Variants in ASIC1 observed in about 807,000 individuals in gnomAD.
ASIC1 encodes acid-sensing ion channel 1.
Under a neutral mutation model 63.4 loss-of-function variants are expected in ASIC1, and 21 were observed. The observed-to-expected ratio is 0.33, with a 90% CI of 0.23 to 0.48. The LOEUF is 0.48. Among genes scored for constraint, ASIC1 ranks in the 20% least tolerant of loss-of-function variants. The pLI is 0.99. For missense variants in ASIC1, 478 were observed against 695.5 expected (o/e 0.69, Z 3.52); for synonymous variants, 258 against 278.2 (o/e 0.93, Z 0.72).
At position 50,078,501 on chromosome 12, in the gene ASIC1, C is replaced by T. The variant is rs1211136697; in HGVS notation, c.918C>T (p.Ser306=). ...DSDLDFFDSY[S]ITACRIDCET... is the part of the protein sequence containing the mutation. ...ATTTGGATTTCTTCGACTCCTACAG[C>T]ATCACTGCCTGCCGCATCGACTGTG... Residue 306 remains serine (S), a synonymous_variant, in exon 6 of 12, where the codon AGC becomes AGT. Coordinates refer to ENST00000447966, the MANE Select transcript of ASIC1 (RefSeq NM_001095.4). This position sits in a 1 kb window ranked among gnomAD's most constrained non-coding sequence, Gnocchi z 6.0. 6.2e-7 allele frequency: 1 copy of T among 1,614,118 alleles called. No individual in the cohort carries two copies. The highest frequency in any genetic ancestry group is 8.5e-7 in the Non-Finnish European group (1 of 1,179,996).
chr12:50,062,179 T>G (rs1950506787), intron 3 of ASIC1, among the ~76,000 whole-genome samples: 1 of 152,232 alleles, frequency 6.6e-6, no homozygotes, highest in Admixed American at 6.5e-5. Flanking sequence ...AGTCCATGTC[T>G]GACACCTCCC....
intron 3 of ASIC1, among the ~76,000 whole-genome samples, chr12:50,067,998 C>T (rs1477401841): frequency 6.6e-6 from 1 of 152,166 alleles, no homozygotes. Flanking sequence ...CCAGAAAGTT[C>T]CTTCAGGCTG....
chr12:50,079,840 T>C, intron 7 of ASIC1, 62 bp from the exon 8 acceptor site: 3 of 1,533,980 alleles, frequency 2.0e-6, no homozygotes, highest in Non-Finnish European at 2.6e-6. Flanking sequence ...AGGATGTGCA[T>C]GTGGGAAGGT....
rs1208153544 is a variant in ASIC1, at chr12:50,077,137, G to T, written c.559-76G>T. The T allele has an allele frequency of 8.1e-6, 13 of 1,606,608 alleles. No individual in the cohort carries two copies. The East Asian group carries it at 2.5e-4, about 30-fold the overall frequency. The stretch of plus-strand genomic sequence containing the variant: ...AAAGGGTGTTGAGATTCCAACAGCT[G>T]GGGTGGCTAGGAACAGCCCTTGGTG... On this transcript the variant is annotated intron_variant, in intron 3 of 11. Transcript: ENST00000447966.
chr12:50,062,619 C>G (rs504013), intron 3 of ASIC1, among the ~76,000 whole-genome samples: 1 of 152,060 alleles, frequency 6.6e-6, no homozygotes, highest in Admixed American at 6.5e-5. Flanking sequence ...CAAAGTATAG[C>G]GTGCGGGGGC....
rs116947982 is a variant in ASIC1, at chr12:50,072,129, G to C, written c.559-5084G>C. Among the ~76,000 whole-genome samples the C allele has an allele frequency of 5.0e-3, 766 of 152,230 alleles. 5 individuals carry two copies. Among genetic ancestry groups the C allele is most frequent in the Non-Finnish European group, 8.5e-3 (578 of 67,990 alleles). ...TGCCTCACATCCCCAACACACTCTA[G>C]GGTCTCTGCAAATGGAGAAGGGAAG... On this transcript the variant is annotated intron_variant, in intron 3 of 11. Transcript: ENST00000447966.
intron 11 of ASIC1, 79 bp from the exon 12 acceptor site, chr12:50,081,466 C>T: frequency 6.8e-7 from 1 of 1,473,244 alleles, no homozygotes; most frequent in South Asian, 1.2e-5. Context: ...ACCTTCTCTC[C>T]TTTGCCTCCC....
In ASIC1 at chr12:50,079,934, G is replaced by A. The variant is rs199923697; in HGVS notation, c.1084G>A (p.Val362Met). The change falls in exon 8 of 12, where the codon GTG (valine) becomes ATG (methionine). Residue 362 changes from valine (V) to methionine (M), a missense_variant. Val to Met is a conservative substitution (Grantham distance 21). Coordinates refer to ENST00000447966, the MANE Select transcript of ASIC1 (RefSeq NM_001095.4). ...GGTGGAGAAGGACCAGGAGTACTGC[G>A]TGTGTGAAATGCCTTGCAACCTGAC... ...FLVEKDQEYCVCEMPCNLTRY... is the reference protein window; with the variant it reads ...FLVEKDQEYCMCEMPCNLTRY... 75 of 1,613,370 alleles carry A rather than the reference G, an allele frequency of 4.6e-5. No homozygotes were observed. The East Asian group carries it at 1.0e-3, about 23-fold the overall frequency.
At position 50,081,278 on chromosome 12, in the gene ASIC1, T is replaced by G; in HGVS notation, c.1396T>G (p.Cys466Gly). The G allele has an allele frequency of 6.2e-7, 1 of 1,609,734 alleles. No individual in the cohort carries two copies. The highest frequency in any genetic ancestry group is 8.5e-7 in the Non-Finnish European group (1 of 1,178,102). ...GTCCTAGGTCATTAAGCACAAGCTG[T>G]GCCGACGAGGAAAATGCCAGAAGGA... ...YAYEVIKHKLCRRGKCQKEAK... is the reference protein window; with the variant it reads ...YAYEVIKHKLGRRGKCQKEAK... The change falls in exon 11 of 12, where the codon TGC becomes GGC. Residue 466 changes from cysteine (C) to glycine (G), a missense_variant. By Grantham distance (159) the Cys-to-Gly change is radical (BLOSUM62 -3). Coordinates refer to ENST00000447966, the MANE Select transcript of ASIC1 (RefSeq NM_001095.4).
rs539526700 is a variant in ASIC1 at position 50,076,868 on chromosome 12, A to G, written c.559-345A>G. ...CATGGAGGGCCTAAGGCACTACTAG[A>G]GCTACAGAGGGGCGAGGGCTGGGGA... On this transcript the variant is annotated intron_variant, in intron 3 of 11. Coordinates refer to ENST00000447966, the MANE Select transcript of ASIC1 (RefSeq NM_001095.4). 6.8e-5 allele frequency: 31 copies of G among 457,664 alleles called. 1 individual carries two copies. The highest frequency in any genetic ancestry group is 4.6e-4 in the South Asian group (27 of 59,248). The allele number at this position is 457,664 out of a possible 1,614,324, so 28.4% of individuals were successfully genotyped here. A position where few individuals can be genotyped will look rare whatever the true frequency, so the allele number is the denominator to read the frequency against.
chr12:50,076,008 C>T (rs1407201213), intron 3 of ASIC1, among the ~76,000 whole-genome samples: 3 of 151,662 alleles, frequency 2.0e-5, no homozygotes, highest in Non-Finnish European at 4.4e-5. Flanking sequence ...CATTAACGCA[C>T]ACACCATGCC....
At position 50,082,021 on chromosome 12, in the gene ASIC1, G is replaced by A. The variant is rs1950726161; in HGVS notation, c.*372G>A. On this transcript the variant is annotated 3_prime_UTR_variant, in exon 12 of 12. Coordinates refer to ENST00000447966, the MANE Select transcript of ASIC1 (RefSeq NM_001095.4). The stretch of plus-strand genomic sequence containing the variant: ...CCAGTCACCAAAGGCCCTTCCCAGT[G>A]AGGGGTGGAAGGGATCTCTGGGGTC... The A allele has an allele frequency of 2.1e-5, 5 of 239,508 alleles. No individual in the cohort carries two copies. The South Asian group carries it at 3.0e-4, about 14-fold the overall frequency. 14.8% of individuals were successfully genotyped at this position (239,508 alleles called of 1,614,324 possible).
Position 50,081,325 on chromosome 12 carries a change from C to T in ASIC1, c.1443C>T (p.Asp481=), listed in dbSNP as rs530280392. 1.2e-6 allele frequency: 2 copies of T among 1,610,682 alleles called. No individual in the cohort carries two copies. The highest frequency in any genetic ancestry group is 1.7e-5 in the Admixed American group (1 of 59,554). ...AGGAGGCCAAAAGGAGCAGTGCGGACAAGGGCGTGGCCCTCAGCCTGGACG... is the reference window on the plus strand; with the variant it reads ...AGGAGGCCAAAAGGAGCAGTGCGGATAAGGGCGTGGCCCTCAGCCTGGACG... ...CQKEAKRSSA[D]KGVALSLDDV... The change falls in exon 11 of 12, where the codon GAC becomes GAT. Residue 481 remains aspartate (D), a synonymous_variant. Coordinates refer to ENST00000447966, the MANE Select transcript of ASIC1 (RefSeq NM_001095.4).
chr12:50,059,810 G>A lies in ASIC1; in HGVS notation c.414G>A (p.Leu138=). The change falls in exon 3 of 12, where the codon CTG becomes CTA. Residue 138 remains leucine, a synonymous_variant. Coordinates refer to ENST00000447966, the MANE Select transcript of ASIC1 (RefSeq NM_001095.4). This position sits in a 1 kb window ranked among gnomAD's most constrained non-coding sequence, Gnocchi z 4.6. ...CAGATGAAAAGCAGCTGGAGATACT[G>A]CAGGACAAAGCCAACTTCCGCAGCT... ...QMADEKQLEI[L]QDKANFRSFK... is the part of the protein sequence containing the mutation. The A allele has an allele frequency of 6.2e-7, 1 of 1,614,110 alleles. No individual in the cohort carries two copies. The highest frequency in any genetic ancestry group is 8.5e-7 in the Non-Finnish European group (1 of 1,180,014).
At chr12:50,071,673 C>A (rs1168642634) in intron 3 of ASIC1, among the ~76,000 whole-genome samples, 2 of 145,326 alleles carry the variant, frequency 1.4e-5, no homozygotes, top group African/African-American at 2.6e-5. Context: ...TGAGATGGAG[C>A]CTTGTTCTGT....
At chr12:50,073,700 C>T (rs750109464) in intron 3 of ASIC1, 82 of 1,536,472 alleles carry the variant, frequency 5.3e-5, no homozygotes, top group Middle Eastern at 1.7e-4. Flanking sequence ...ATCTCAGAAT[C>T]GGAAGAGGAG....
chr12:50,059,693 AC>A lies in ASIC1; in HGVS notation c.363-63del. The A allele has an allele frequency of 6.5e-7, 1 of 1,528,672 alleles. No homozygotes were observed. 94.7% of individuals were successfully genotyped at this position (1,528,672 alleles called of 1,614,324 possible). A position where few individuals can be genotyped will look rare whatever the true frequency, so the allele number is the denominator to read the frequency against. On this transcript the variant is annotated intron_variant, in intron 2 of 11. Transcript: ENST00000447966. This position sits in a 1 kb window ranked among gnomAD's most constrained non-coding sequence, Gnocchi z 4.6. ...CCCAGGGCTGGAGGCTGCCCCCATC[AC>A]CCAAGTTGGGTGCAGGACACTGATG... is the stretch of plus-strand genomic sequence containing the variant.
rs1385450611 is a variant in ASIC1 at position 50,077,260 on chromosome 12, T to G, written c.606T>G (p.Asp202Glu). 6.2e-7 allele frequency: 1 copy of G among 1,613,922 alleles called. No individual in the cohort carries two copies. The highest frequency in any genetic ancestry group is 8.5e-7 in the Non-Finnish European group (1 of 1,179,906). ...GCTACACGTTCAACTCGGGCCGAGA[T>G]GGGCGGCCGCGGCTGAAGACCATGA... ...GKCYTFNSGR[D>E]GRPRLKTMKG... is the part of the protein sequence containing the mutation. The change falls in exon 4 of 12, where the codon GAT becomes GAG. Residue 202 changes from aspartate (D) to glutamate (E), a missense_variant. Physicochemically the swap from Asp to Glu is conservative, Grantham distance 45. Coordinates refer to ENST00000447966, the MANE Select transcript of ASIC1 (RefSeq NM_001095.4).
intron 8 of ASIC1, 155 bp from the exon 9 acceptor site, chr12:50,080,343 C>A: frequency 1.2e-6 from 1 of 811,512 alleles, no homozygotes; most frequent in South Asian, 1.6e-5. Context: ...TATATGCCAT[C>A]TCATTTAATC....
Sources: allele counts gnomAD v4.1 joint callset (sites outside exome capture counted in the v4.1 genomes callset), GRCh38; gene constraint gnomAD v4.1.1; non-coding constraint Gnocchi (gnomAD v3.1); transcripts MANE v1.5; gene names NCBI Gene and HGNC (gene_info 2026-07-23, HGNC 2026-07-21).